The following PCDHGB3 variants were observed in gnomAD, a reference collection of about 807,000 sequenced individuals.
PCDHGB3 encodes the protein protocadherin gamma subfamily B, 3, also known as protocadherin gamma-B3.
In PCDHGB3, 40 loss-of-function variants were observed where a neutral mutation model predicts 59.2. That is an observed-to-expected ratio of 0.68 (90% CI 0.52 to 0.88). PCDHGB3 has a LOEUF of 0.88. PCDHGB3 is among the 40% of genes least tolerant of loss of function. The probability of loss-of-function intolerance (pLI) is 0.00; values close to 1 mark genes in which losing one functional copy is unlikely to be tolerated. For synonymous variants in PCDHGB3, 581 were observed against 503.6 expected, an observed-to-expected ratio of 1.15 and a Z score of -2.06; for missense variants, 1,309 against 1,187.9, an observed-to-expected ratio of 1.10 and a Z score of -1.50.
chr5:141,430,399 T>C (rs2097282187), intron 1 of PCDHGB3, among the ~76,000 whole-genome samples: 1 of 150,106 alleles, frequency 6.7e-6, no homozygotes, highest in African/African-American at 2.4e-5. Flanking sequence ...AAAAAAAAGC[T>C]CACTAAAGTT....
Position 141,487,532 on chromosome 5 carries a change from A to C in PCDHGB3, c.2416-7275A>C. 6.2e-7 allele frequency: 1 copy of C among 1,614,158 alleles called. No homozygotes were observed. Among genetic ancestry groups the C allele is most frequent in the Non-Finnish European group, 8.5e-7 (1 of 1,180,022 alleles). On this transcript the variant is annotated intron_variant, in intron 1 of 3. Transcript: ENST00000576222. This position sits in a 1 kb window ranked among gnomAD's most constrained non-coding sequence, Gnocchi z 5.0. Reference sequence around the variant, plus strand: ...ACCCACTCGGAGTGATAGCTTCATGATGGTGAAGTCACCCAGTGCACCTAT... The same window carrying C: ...ACCCACTCGGAGTGATAGCTTCATGCTGGTGAAGTCACCCAGTGCACCTAT...
At chr5:141,390,859 T>C (rs951468573) in intron 1 of PCDHGB3, 3 of 151,114 alleles carry the variant, frequency 2.0e-5, no homozygotes, top group Admixed American at 1.3e-4. Flanking sequence ...CAGTGTACGC[T>C]GTGTGTGCGT....
intron 1 of PCDHGB3, chr5:141,416,087 G>A (rs1201318552): frequency 1.2e-5 from 2 of 165,800 alleles, no homozygotes; most frequent in East Asian, 3.3e-4. Flanking sequence ...TTCCCAAGGA[G>A]AAGGGCAATA....
rs532631149 is a variant in PCDHGB3, at chr5:141,506,489, C to A, written c.2563+1008C>A. On this transcript the variant is annotated intron_variant, in intron 3 of 3. Transcript: ENST00000576222. ...AAGAGCACAGGCTTTAGAGGCAGGC[C>A]AATCTGGATTCAAATCCTGGCACCT... 1.9e-4 allele frequency among the ~76,000 whole-genome samples: 29 copies of A among 150,750 alleles called. 1 individual carries two copies. In the South Asian group the frequency reaches 5.9e-3, roughly 31 times the overall value.
chr5:141,388,698 G>T (rs752631718), intron 1 of PCDHGB3: 2 of 1,613,886 alleles, frequency 1.2e-6, no homozygotes, highest in Admixed American at 1.7e-5. Context: ...CCAGGATGAG[G>T]GTGTCAATGC....
At chr5:141,466,104 AGAGT>A (rs2154569127) in intron 1 of PCDHGB3, among the ~76,000 whole-genome samples, 1 of 152,144 alleles carries the variant, frequency 6.6e-6, no homozygotes, top group Admixed American at 6.5e-5. Flanking sequence ...CCTGGGCAAC[AGAGT>A]GAGACTCCAG....
chr5:141,376,282 G>C (rs755455760), intron 1 of PCDHGB3: 10 of 1,614,096 alleles, frequency 6.2e-6, no homozygotes, highest in Non-Finnish European at 7.6e-6. Flanking sequence ...GTGGCTTAGC[G>C]AGCATGCCCG....
intron 1 of PCDHGB3, chr5:141,418,567 T>C: frequency 6.2e-7 from 1 of 1,614,014 alleles, no homozygotes; most frequent in Non-Finnish European, 8.5e-7. Flanking sequence ...TAGATGCCAA[T>C]GACAACCCCC....
Position 141,420,299 on chromosome 5 carries a change from T to A in PCDHGB3, c.2415+47490T>A, listed in dbSNP as rs377297222. On this transcript the variant is annotated intron_variant, in intron 1 of 3. Coordinates refer to ENST00000576222, the MANE Select transcript of PCDHGB3 (RefSeq NM_018924.5). Reference sequence around the variant, plus strand: ...GGTAAGTATTTAAAAATGTATTTAATCCTTTTTATATTACAATATGCCAAT... The same window carrying A: ...GGTAAGTATTTAAAAATGTATTTAAACCTTTTTATATTACAATATGCCAAT... 6.8e-6 allele frequency: 10 copies of A among 1,465,980 alleles called. No homozygotes were observed. The African/African-American group carries it at 1.4e-4, about 21-fold the overall frequency. 90.8% of individuals were successfully genotyped at this position (1,465,980 alleles called of 1,614,324 possible). A position where few individuals can be genotyped will look rare whatever the true frequency, so the allele number is the denominator to read the frequency against.
At chr5:141,443,604 G>A (rs1561911807) in intron 1 of PCDHGB3, among the ~76,000 whole-genome samples, 1 of 152,194 alleles carries the variant, frequency 6.6e-6, no homozygotes, top group Non-Finnish European at 1.5e-5. Context: ...TATATGAAAT[G>A]TTCTTATAAT....
chr5:141,454,097 C>T (rs1021353610), intron 1 of PCDHGB3, among the ~76,000 whole-genome samples: 10 of 152,292 alleles, frequency 6.6e-5, no homozygotes, highest in Middle Eastern at 3.4e-3. Flanking sequence ...TTGAATTGAA[C>T]ATAAATGGAG....
chr5:141,503,598 CAAAAA>C (rs765754054), intron 2 of PCDHGB3, among the ~76,000 whole-genome samples: 1 of 65,760 alleles, frequency 1.5e-5, no homozygotes, highest in African/African-American at 4.7e-5. Context: ...GACTCCAGCT[CAAAAA>C]AAAAAAAAAA....
chr5:141,448,204 C>G (rs757249025), intron 1 of PCDHGB3, among the ~76,000 whole-genome samples: 28 of 152,124 alleles, frequency 1.8e-4, no homozygotes, highest in South Asian at 4.1e-4. Flanking sequence ...CAAACATTTT[C>G]TGTGTGTATG....
intron 1 of PCDHGB3, chr5:141,478,112 G>A (rs2099430344): frequency 1.2e-6 from 2 of 1,613,968 alleles, no homozygotes; most frequent in South Asian, 2.2e-5. Flanking sequence ...CACTGTGTCA[G>A]TAACCGAGGA....
At chr5:141,466,574 T>C (rs978880367) in intron 1 of PCDHGB3, among the ~76,000 whole-genome samples, 5 of 152,218 alleles carry the variant, frequency 3.3e-5, no homozygotes, top group Non-Finnish European at 5.9e-5. Flanking sequence ...CAACATTGTC[T>C]CATCCCTTCT....
rs150249178 is a variant in PCDHGB3 at position 141,432,742 on chromosome 5, C to A, written c.2415+59933C>A. 154 of 1,614,076 alleles carry A rather than the reference C, an allele frequency of 9.5e-5. No individual in the cohort carries two copies. In the Middle Eastern group the frequency reaches 1.3e-3, roughly 14 times the overall value. On this transcript the variant is annotated intron_variant, in intron 1 of 3. Transcript: ENST00000576222. This position sits in a 1 kb window ranked among gnomAD's most constrained non-coding sequence, Gnocchi z 6.0. ...CTCTCTCCGCCACTGTCACGCTCAC[C>A]GTGGCCGTGGCCGACAGCATCCCCC... is the stretch of plus-strand genomic sequence containing the variant.
At chr5:141,468,652 G>A (rs1206892693) in intron 1 of PCDHGB3, 2 of 149,062 alleles carry the variant, frequency 1.3e-5, no homozygotes, top group African/African-American at 2.5e-5. Context: ...GGATCACAAG[G>A]TCAGGAGATC....
chr5:141,419,370 A>T, intron 1 of PCDHGB3: 1 of 1,613,692 alleles, frequency 6.2e-7, no homozygotes, highest in Non-Finnish European at 8.5e-7. Context: ...CTGTCGTCCT[A>T]CGTGTCCGTG....
rs778372966 is a variant in PCDHGB3, at chr5:141,477,105, A to G, written c.2416-17702A>G. The G allele has an allele frequency of 7.4e-6, 12 of 1,614,106 alleles. No individual in the cohort carries two copies. The highest frequency in any genetic ancestry group is 4.0e-5 in the African/African-American group (3 of 74,934). On this transcript the variant is annotated intron_variant, in intron 1 of 3. Transcript: ENST00000576222. This position sits in a 1 kb window ranked among gnomAD's most constrained non-coding sequence, Gnocchi z 4.9. ...ATCCAGGCCAAAGACAAGGGCGCCA[A>G]TCCCGAAGGAGCACATTGCAAAGTG...
Sources: allele counts gnomAD v4.1 joint callset (sites outside exome capture counted in the v4.1 genomes callset), GRCh38; gene constraint gnomAD v4.1.1; non-coding constraint Gnocchi (gnomAD v3.1); transcripts MANE v1.5; gene names NCBI Gene and HGNC (gene_info 2026-07-23, HGNC 2026-07-21).